The following POU6F2 variants were observed in gnomAD, a reference collection of about 807,000 sequenced individuals.
The protein encoded by POU6F2 is POU domain, class 6, transcription factor 2.
POU6F2 carries 31 observed loss-of-function variants against 71.3 expected under a neutral mutation model. The observed-to-expected ratio is 0.43, with a 90% confidence interval of 0.33 to 0.59. The LOEUF (loss-of-function observed/expected upper bound fraction) is 0.59, where lower values mean the gene tolerates loss of function less well. POU6F2 is among the 20% of genes least tolerant of loss of function. The probability of loss-of-function intolerance (pLI) is 0.04; values close to 1 mark genes in which losing one functional copy is unlikely to be tolerated. For missense variants in POU6F2, 783 were observed against 856.8 expected, an observed-to-expected ratio of 0.91 and a Z score of 1.07; for synonymous variants, 347 against 355.7, an observed-to-expected ratio of 0.98 and a Z score of 0.27.
At chr7:39,032,548 A>G (rs751055718) in intron 1 of POU6F2, among the ~76,000 whole-genome samples, 6 of 152,256 alleles carry the variant, frequency 3.9e-5, no homozygotes, top group Admixed American at 1.3e-4. Flanking sequence ...GATGTTGTAC[A>G]TGAAAGTAGC....
At chr7:39,337,519 G>C (rs1292788949) in intron 4 of POU6F2, among the ~76,000 whole-genome samples, 1 of 152,046 alleles carries the variant, frequency 6.6e-6, no homozygotes, top group East Asian at 1.9e-4. Flanking sequence ...ATTCTTTGTA[G>C]TTCAAATATT....
chr7:39,169,970 G>A (rs1793187006), intron 2 of POU6F2, among the ~76,000 whole-genome samples: 1 of 152,100 alleles, frequency 6.6e-6, no homozygotes, highest in African/African-American at 2.4e-5. Flanking sequence ...ATCACTTGAG[G>A]TCAGGAGTTC....
At chr7:38,996,452 G>A (rs1320348268) in intron 1 of POU6F2, among the ~76,000 whole-genome samples, 1 of 152,042 alleles carries the variant, frequency 6.6e-6, no homozygotes, top group Admixed American at 6.6e-5. Context: ...CATTCCCAAG[G>A]TTTGCTCACA....
intron 6 of POU6F2, among the ~76,000 whole-genome samples, chr7:39,407,866 G>A (rs1787471885): frequency 6.6e-6 from 1 of 152,214 alleles, no homozygotes; most frequent in Non-Finnish European, 1.5e-5. Flanking sequence ...CCCGAGGGCT[G>A]AACGATGGAG....
chr7:39,047,239 C>T (rs1344920670), intron 1 of POU6F2, among the ~76,000 whole-genome samples: 4 of 151,542 alleles, frequency 2.6e-5, no homozygotes, highest in Non-Finnish European at 5.9e-5. Context: ...TGTCATTTTT[C>T]ACAAAAAAAG....
intron 4 of POU6F2, among the ~76,000 whole-genome samples, chr7:39,214,672 G>A (rs904093320): frequency 6.6e-6 from 1 of 152,198 alleles, no homozygotes; most frequent in Non-Finnish European, 1.5e-5. Context: ...TAGCTTACTT[G>A]TAAAAGGTGC....
intron 1 of POU6F2, among the ~76,000 whole-genome samples, chr7:39,072,690 G>A (rs1309801941): frequency 2.6e-5 from 4 of 152,212 alleles, no homozygotes; most frequent in South Asian, 2.1e-4. Flanking sequence ...GAATGGCTGT[G>A]TGGAAACCTC....
intron 4 of POU6F2, among the ~76,000 whole-genome samples, chr7:39,297,802 C>G (rs1784880668): frequency 4.0e-5 from 6 of 150,918 alleles, no homozygotes; most frequent in Admixed American, 3.9e-4. Context: ...GGTACCAAAA[C>G]AGACATACAG....
At chr7:39,251,410 T>C (rs1783912360) in intron 4 of POU6F2, among the ~76,000 whole-genome samples, 1 of 152,168 alleles carries the variant, frequency 6.6e-6, no homozygotes, top group African/African-American at 2.4e-5. Flanking sequence ...AAATGACACT[T>C]GTGAGCCTAA....
chr7:39,214,832 G>T (rs1026640737), intron 4 of POU6F2, among the ~76,000 whole-genome samples: 1 of 152,228 alleles, frequency 6.6e-6, no homozygotes, highest in Non-Finnish European at 1.5e-5. Context: ...GGAATCCAAG[G>T]TGGCAAGAAA....
intron 4 of POU6F2, among the ~76,000 whole-genome samples, chr7:39,331,490 GGTTTT>G (rs553116050): frequency 1.2e-4 from 18 of 151,960 alleles, no homozygotes; most frequent in East Asian, 1.2e-3. Context: ...ATCTCACTCC[GGTTTT>G]GTTTTGTTTT....
rs571370037 is a variant in POU6F2, at chr7:39,267,757, A to G, written c.598+60137A>G. 1.0e-3 allele frequency among the ~76,000 whole-genome samples: 155 copies of G among 152,202 alleles called. 1 individual carries two copies. The highest frequency in any genetic ancestry group is 3.5e-3 in the African/African-American group (145 of 41,504). On this transcript the variant is annotated intron_variant, in intron 4 of 9. Transcript: ENST00000518318. ...ATAGCTGGGAGTTCAGGTGTGGGCC[A>G]TTGCACCTGACTAAAATTTCTGAAG...
At chr7:39,370,151 A>G (rs1192714224) in intron 5 of POU6F2, among the ~76,000 whole-genome samples, 1 of 152,146 alleles carries the variant, frequency 6.6e-6, no homozygotes, top group Non-Finnish European at 1.5e-5. Flanking sequence ...GTATGCCTGC[A>G]TTATCCTCCA....
intron 2 of POU6F2, among the ~76,000 whole-genome samples, chr7:39,108,412 C>A (rs574186866): frequency 6.6e-6 from 1 of 152,064 alleles, no homozygotes; most frequent in African/African-American, 2.4e-5. Flanking sequence ...TTCTTTCCTT[C>A]GACCTCAGCT....
intron 1 of POU6F2, among the ~76,000 whole-genome samples, chr7:39,057,705 T>G (rs1010963366): frequency 7.2e-5 from 11 of 152,224 alleles, no homozygotes; most frequent in African/African-American, 2.7e-4. Context: ...GTTTTACTTT[T>G]TTTGTTTACC....
intron 2 of POU6F2, among the ~76,000 whole-genome samples, chr7:39,094,387 A>G (rs1791414119): frequency 6.6e-6 from 1 of 152,180 alleles, no homozygotes; most frequent in Non-Finnish European, 1.5e-5. Flanking sequence ...GGATAGACAT[A>G]TATCACAATA....
At chr7:39,013,075 T>C (rs1429079974) in intron 1 of POU6F2, 1 of 152,372 alleles carries the variant, frequency 6.6e-6, no homozygotes, top group Admixed American at 6.5e-5. Flanking sequence ...GCTTCCCGGC[T>C]GCTTTGTTTA....
At chr7:39,211,914 A>G (rs946046097) in intron 4 of POU6F2, among the ~76,000 whole-genome samples, 3 of 152,118 alleles carry the variant, frequency 2.0e-5, no homozygotes, top group Admixed American at 6.5e-5. Context: ...CGGTTCACTC[A>G]TGTTCCATTT....
chr7:39,368,371 G>T (rs910476113), intron 5 of POU6F2, among the ~76,000 whole-genome samples: 3 of 151,976 alleles, frequency 2.0e-5, no homozygotes, highest in African/African-American at 7.3e-5. Flanking sequence ...CTCTTCAATT[G>T]TATGAAGGCT....
Sources: allele counts gnomAD v4.1 joint callset (sites outside exome capture counted in the v4.1 genomes callset), GRCh38; gene constraint gnomAD v4.1.1; transcripts MANE v1.5; gene names NCBI Gene and HGNC (gene_info 2026-07-23, HGNC 2026-07-21).